Variants in CNGA1 observed in about 807,000 individuals in gnomAD.
CNGA1 encodes cyclic nucleotide-gated channel alpha-1.
Under a neutral mutation model 69.7 loss-of-function variants are expected in CNGA1, and 53 were observed. The observed-to-expected ratio is 0.76, with a 90% CI of 0.61 to 0.96. The LOEUF is 0.96. Among genes scored for constraint, CNGA1 ranks in the 40% least tolerant of loss-of-function variants. CNGA1 has a pLI of 0.00. For synonymous variants in CNGA1, 249 were observed against 283.5 expected (o/e 0.88, Z 1.22); for missense variants, 739 against 811.2 (o/e 0.91, Z 1.08).
intron 3 of CNGA1, among the ~76,000 whole-genome samples, chr4:47,957,777 G>A (rs1351534161): frequency 1.3e-5 from 2 of 152,070 alleles, no homozygotes; most frequent in Non-Finnish European, 2.9e-5. Context: ...ATATAGAACT[G>A]AACTGACCAG....
At chr4:47,985,760 A>AC (rs146948485) in intron 2 of CNGA1, among the ~76,000 whole-genome samples, 26,020 of 148,600 alleles carry the variant, frequency 0.18, 2,395 homozygotes, top group Middle Eastern at 0.24. Flanking sequence ...ATCTTCCCCC[A>AC]CCCCCCCAAA....
At chr4:47,974,106 A>G (rs1034724327) in intron 3 of CNGA1, among the ~76,000 whole-genome samples, 4 of 148,306 alleles carry the variant, frequency 2.7e-5, no homozygotes, top group Admixed American at 2.0e-4. Flanking sequence ...ATAGATAGAT[A>G]GATAGATAGA....
intron 3 of CNGA1, among the ~76,000 whole-genome samples, chr4:47,973,161 C>T (rs1455450576): frequency 4.0e-5 from 6 of 151,346 alleles, no homozygotes; most frequent in African/African-American, 9.7e-5. Flanking sequence ...TCCACCTCCC[C>T]GGTTCAAGCA....
intron 2 of CNGA1, among the ~76,000 whole-genome samples, chr4:47,996,102 G>C (rs543761927): frequency 2.6e-5 from 4 of 152,144 alleles, no homozygotes; most frequent in Non-Finnish European, 5.9e-5. Context: ...GGTACTCCCA[G>C]GTTTCCTGAT....
chr4:47,989,873 G>A (rs374120154), intron 2 of CNGA1, among the ~76,000 whole-genome samples: 2 of 151,598 alleles, frequency 1.3e-5, no homozygotes, highest in African/African-American at 4.9e-5. Flanking sequence ...CCAAACGGAG[G>A]GACCAGCTGA....
intron 3 of CNGA1, among the ~76,000 whole-genome samples, chr4:47,973,917 G>A (rs1393988200): frequency 6.6e-6 from 1 of 152,000 alleles, no homozygotes; most frequent in Non-Finnish European, 1.5e-5. Context: ...TTGTGGCCGG[G>A]TGTGGTGGCT....
rs1165825325 is a variant in CNGA1 at position 47,943,423 on chromosome 4, AAAT to A, written c.288-14_288-12del. On this transcript the variant is annotated splice_polypyrimidine_tract_variant and intron_variant, in intron 6 of 10. Coordinates refer to ENST00000514170, the MANE Select transcript of CNGA1 (RefSeq NM_001379270.1). ...TTTTCTTCTGGTTCCCTAAAGAAAAAAATAATATATCTGTCACATAATCACAGT... is the reference window on the plus strand; with the variant it reads ...TTTTCTTCTGGTTCCCTAAAGAAAAAAATATATCTGTCACATAATCACAGT... 1.4e-6 allele frequency: 2 copies of A among 1,402,302 alleles called. No homozygotes were observed. Among genetic ancestry groups the A allele is most frequent in the African/African-American group, 2.9e-5 (2 of 68,132 alleles). 86.9% of individuals were successfully genotyped at this position (1,402,302 alleles called of 1,614,324 possible). A position where few individuals can be genotyped will look rare whatever the true frequency, so the allele number is the denominator to read the frequency against.
chr4:47,971,884 ACT>A (rs1288439796), intron 3 of CNGA1, among the ~76,000 whole-genome samples: 2 of 147,606 alleles, frequency 1.4e-5, no homozygotes, highest in African/African-American at 2.5e-5. Flanking sequence ...ACAGAGCAAG[ACT>A]CTCTGAAAAA....
rs1022223747 is a variant in CNGA1 at position 48,016,606 on chromosome 4, T to C, written c.-346A>G. The C allele has an allele frequency of 1.5e-5, 8 of 536,898 alleles. No homozygotes were observed. Among genetic ancestry groups the C allele is most frequent in the African/African-American group, 1.0e-4 (5 of 49,038 alleles). The allele number at this position is 536,898 out of a possible 1,614,324, so 33.3% of individuals were successfully genotyped here. A position where few individuals can be genotyped will look rare whatever the true frequency, so the allele number is the denominator to read the frequency against. On this transcript the variant is annotated 5_prime_UTR_variant, in exon 1 of 11. Transcript: ENST00000514170. ...CTACTCCTGCCAGATACACCAGTTATCACAGGCCGCTCCCAGGCCTGCGGG... is the reference window on the plus strand; with the variant it reads ...CTACTCCTGCCAGATACACCAGTTACCACAGGCCGCTCCCAGGCCTGCGGG...
In CNGA1 at chr4:47,951,453, C is replaced by T. The variant is rs1401884636; in HGVS notation, c.124G>A (p.Asp42Asn). The T allele has an allele frequency of 2.2e-5, 35 of 1,612,480 alleles. No homozygotes were observed. The highest frequency in any genetic ancestry group is 3.0e-5 in the Non-Finnish European group (35 of 1,178,742). ...TCTTCAGATGTAGAGGCACTGTCATCATCCTCAGAAAAGGAGCTACAGTCC... is the reference window on the plus strand; with the variant it reads ...TCTTCAGATGTAGAGGCACTGTCATTATCCTCAGAAAAGGAGCTACAGTCC... ...NGACSSFSEDDDSASTSEESE... is the reference protein window; with the variant it reads ...NGACSSFSEDNDSASTSEESE... Residue 42 changes from aspartate to asparagine, a missense_variant, in exon 5 of 11, where the codon GAT becomes AAT. Coordinates refer to ENST00000514170, the MANE Select transcript of CNGA1 (RefSeq NM_001379270.1).
At chr4:47,957,659 CA>C (rs1371734878) in intron 3 of CNGA1, among the ~76,000 whole-genome samples, 2 of 151,982 alleles carry the variant, frequency 1.3e-5, no homozygotes, top group African/African-American at 4.8e-5. Context: ...ATAAGAAAAT[CA>C]CTGATATTTA....
intron 3 of CNGA1, among the ~76,000 whole-genome samples, chr4:47,967,696 C>A (rs1173114218): frequency 6.6e-6 from 1 of 151,884 alleles, no homozygotes; most frequent in African/African-American, 2.4e-5. Context: ...ATTTAAAATA[C>A]CGCTGGGTGC....
chr4:47,963,590 G>C lies in CNGA1; in HGVS notation c.-14-10887C>G, dbSNP rs541851801. ...GAGGATAAAATGAGTTAAGTGCTTAGCATTATGCCTGGCACATAGTAAGAG... is the reference window on the plus strand; with the variant it reads ...GAGGATAAAATGAGTTAAGTGCTTACCATTATGCCTGGCACATAGTAAGAG... On this transcript the variant is annotated intron_variant, in intron 3 of 10. Coordinates refer to ENST00000514170, the MANE Select transcript of CNGA1 (RefSeq NM_001379270.1). Among the ~76,000 whole-genome samples the C allele has an allele frequency of 1.1e-4, 17 of 152,280 alleles. No individual in the cohort carries two copies. In the East Asian group the frequency reaches 3.3e-3, roughly 29 times the overall value.
At chr4:48,015,176 T>A (rs1715328924) in intron 1 of CNGA1, among the ~76,000 whole-genome samples, 1 of 152,090 alleles carries the variant, frequency 6.6e-6, no homozygotes, top group African/African-American at 2.4e-5. Context: ...AGACTCCGTC[T>A]CAAAAAAAAC....
chr4:48,007,009 G>A (rs1714947938), intron 2 of CNGA1, among the ~76,000 whole-genome samples: 1 of 151,674 alleles, frequency 6.6e-6, no homozygotes, highest in African/African-American at 2.4e-5. Flanking sequence ...ACAGGTTATT[G>A]TAAAATAAGT....
intron 3 of CNGA1, among the ~76,000 whole-genome samples, chr4:47,954,610 G>T (rs1739951440): frequency 6.6e-6 from 1 of 152,186 alleles, no homozygotes; most frequent in Non-Finnish European, 1.5e-5. Context: ...CCAATACTCG[G>T]TGCCAGAATG....
At chr4:47,984,827 G>C (rs1332169103) in intron 2 of CNGA1, among the ~76,000 whole-genome samples, 1 of 151,960 alleles carries the variant, frequency 6.6e-6, no homozygotes, top group African/African-American at 2.4e-5. Context: ...ACTTAATATT[G>C]CTTCTTGGGG....
rs981738513 is a variant in CNGA1 at position 47,970,448 on chromosome 4, C to T, written c.-15+10945G>A. Among the ~76,000 whole-genome samples the T allele has an allele frequency of 3.9e-5, 6 of 151,990 alleles. No individual in the cohort carries two copies. In the East Asian group the frequency reaches 7.7e-4, roughly 20 times the overall value. ...GGTGGATCACCTGAGGTCGGGATTT[C>T]GAGGCCAGCCTGACCAACATGGTGA... On this transcript the variant is annotated intron_variant, in intron 3 of 10. Transcript: ENST00000514170.
At position 47,936,869 on chromosome 4, in the gene CNGA1, C is replaced by T; in HGVS notation, c.1613G>A (p.Ser538Asn). The stretch of plus-strand genomic sequence containing the variant: ...AAGAATGCTGATCTCACCGAAGTAG[C>T]TGCCATCGCTCAATACCACAAACTG... ...VTQFVVLSDG[S>N]YFGEISILNI... The change falls in exon 11 of 11, where the codon AGC (serine) becomes AAC (asparagine). Residue 538 changes from serine (S) to asparagine (N), a missense_variant. Coordinates refer to ENST00000514170, the MANE Select transcript of CNGA1 (RefSeq NM_001379270.1). 2 of 1,614,110 alleles carry T rather than the reference C, an allele frequency of 1.2e-6. No individual in the cohort carries two copies. The highest frequency in any genetic ancestry group is 1.1e-5 in the South Asian group (1 of 91,088).
Sources: allele counts gnomAD v4.1 joint callset (sites outside exome capture counted in the v4.1 genomes callset), GRCh38; gene constraint gnomAD v4.1.1; transcripts MANE v1.5; gene names NCBI Gene and HGNC (gene_info 2026-07-23, HGNC 2026-07-21).